Variants in SUGCT observed in about 807,000 individuals in gnomAD.
The protein encoded by SUGCT is succinyl-CoA:glutarate-CoA transferase.
A neutral mutation model predicts 55.0 loss-of-function variants in SUGCT; 41 were observed. That is an observed-to-expected ratio of 0.74 (90% CI 0.58 to 0.97). SUGCT has a LOEUF of 0.97. Ranked by LOEUF, SUGCT falls within the 50% of genes least tolerant of loss-of-function variation. SUGCT has a pLI of 0.00. For synonymous variants in SUGCT, 187 were observed against 200.4 expected (o/e 0.93, Z 0.56); for missense variants, 568 against 547.8 (o/e 1.04, Z -0.37).
intron 9 of SUGCT, among the ~76,000 whole-genome samples, chr7:40,448,972 A>C (rs1183041451): frequency 6.6e-6 from 1 of 151,340 alleles, no homozygotes; most frequent in Non-Finnish European, 1.5e-5. Flanking sequence ...AGAGAGAGAG[A>C]GAGAGAGAGA....
chr7:40,943,950 T>C, the SUGCT span, among the ~76,000 whole-genome samples: 1 of 149,302 alleles, frequency 6.7e-6, no homozygotes, highest in South Asian at 2.2e-4. Flanking sequence ...TGTTGTTTCC[T>C]GACTTTTTAA....
chr7:40,549,937 A>T (rs1204527025), intron 12 of SUGCT, among the ~76,000 whole-genome samples: 1 of 152,166 alleles, frequency 6.6e-6, no homozygotes, highest in Non-Finnish European at 1.5e-5. Context: ...GAATGCAACT[A>T]GGAGAGGATT....
intron 12 of SUGCT, chr7:40,538,741 A>T (rs1794509583): frequency 6.6e-6 from 1 of 152,218 alleles, no homozygotes; most frequent in South Asian, 2.1e-4. Context: ...CAGATTAAGG[A>T]TTGGTGCTTA....
intron 12 of SUGCT, among the ~76,000 whole-genome samples, chr7:40,699,009 T>C (rs140409558): frequency 7.2e-5 from 11 of 152,318 alleles, no homozygotes; most frequent in Admixed American, 2.6e-4. Context: ...CAGTCTTTTA[T>C]GTGTTTGAAA....
At chr7:40,239,226 G>A (rs1200529258) in intron 7 of SUGCT, among the ~76,000 whole-genome samples, 1 of 152,120 alleles carries the variant, frequency 6.6e-6, no homozygotes, top group African/African-American at 2.4e-5. Context: ...GACTACAGGT[G>A]TGTGGCACCA....
the SUGCT span, chr7:40,966,959 T>C: frequency 6.6e-6 from 1 of 152,224 alleles, no homozygotes; most frequent in East Asian, 1.9e-4. Flanking sequence ...TTGTTCACTA[T>C]CCAGAAAGCT....
chr7:40,537,192 C>T (rs1794410524), intron 12 of SUGCT, among the ~76,000 whole-genome samples: 1 of 152,136 alleles, frequency 6.6e-6, no homozygotes, highest in Non-Finnish European at 1.5e-5. Context: ...ATATTGTACA[C>T]CTGTAAGCCT....
intron 13 of SUGCT, among the ~76,000 whole-genome samples, chr7:40,857,879 TTTATG>T (rs1205237462): frequency 3.9e-5 from 6 of 152,152 alleles, no homozygotes; most frequent in East Asian, 1.9e-4. Context: ...AATGGTTAAT[TTTATG>T]TTATGTTAAG....
chr7:40,153,174 A>G (rs752205427), intron 1 of SUGCT: 17 of 318,204 alleles, frequency 5.3e-5, no homozygotes, highest in Non-Finnish European at 9.5e-5. Flanking sequence ...CACACATCTT[A>G]GATTATTGTG....
Position 40,668,452 on chromosome 7 carries a change from C to A in SUGCT, c.1090-80982C>A, listed in dbSNP as rs114078491. On this transcript the variant is annotated intron_variant, in intron 12 of 13. Coordinates refer to ENST00000335693, the MANE Select transcript of SUGCT (RefSeq NM_001193313.2). Reference sequence around the variant, plus strand: ...GGGGATCTTTTCATTGATTCATTCTCTAAAACAGAATTTTCTTTAAGAAAA... The same window carrying A: ...GGGGATCTTTTCATTGATTCATTCTATAAAACAGAATTTTCTTTAAGAAAA... 6.3e-3 allele frequency among the ~76,000 whole-genome samples: 957 copies of A among 152,240 alleles called. 12 individuals carry two copies. Among genetic ancestry groups the A allele is most frequent in the African/African-American group, 0.021 (886 of 41,546 alleles).
intron 12 of SUGCT, among the ~76,000 whole-genome samples, chr7:40,613,614 A>G (rs548949974): frequency 1.4e-5 from 2 of 144,954 alleles, no homozygotes; most frequent in African/African-American, 5.0e-5. Flanking sequence ...CCTGCACCCA[A>G]TTTTTTTTTT....
intron 12 of SUGCT, among the ~76,000 whole-genome samples, chr7:40,671,443 A>G (rs1368996600): frequency 6.6e-6 from 1 of 152,226 alleles, no homozygotes; most frequent in Non-Finnish European, 1.5e-5. Flanking sequence ...AAAGGTAGAA[A>G]ATAAAATGGT....
intron 11 of SUGCT, among the ~76,000 whole-genome samples, chr7:40,460,881 G>A (rs932267388): frequency 3.3e-5 from 5 of 152,094 alleles, no homozygotes; most frequent in African/African-American, 1.2e-4. Context: ...GTAAGGAATC[G>A]ACCTGCAAGG....
At chr7:40,373,966 G>A (rs921602684) in intron 9 of SUGCT, among the ~76,000 whole-genome samples, 1 of 152,068 alleles carries the variant, frequency 6.6e-6, no homozygotes, top group African/African-American at 2.4e-5. Context: ...TATCATGTCT[G>A]GTTAAGTGGA....
At position 40,517,305 on chromosome 7, in the gene SUGCT, C is replaced by T. The variant is rs547671468; in HGVS notation, c.1089+20919C>T. On this transcript the variant is annotated intron_variant, in intron 12 of 13. Transcript: ENST00000335693. ...TTATCTTCCTATCCAATCTGGATGA[C>T]TTTCTTTTCTTGTCTTTTTCTTTTC... 2.7e-5 allele frequency among the ~76,000 whole-genome samples: 4 copies of T among 150,746 alleles called. No homozygotes were observed. In the East Asian group the frequency reaches 5.9e-4, roughly 22 times the overall value.
chr7:40,769,962 AT>A (rs1789007751), intron 13 of SUGCT, among the ~76,000 whole-genome samples: 1 of 152,084 alleles, frequency 6.6e-6, no homozygotes, highest in African/African-American at 2.4e-5. Context: ...TAACTCACTC[AT>A]TTCTTATAAC....
chr7:40,916,070 TACACACACACAC>T, the SUGCT span, among the ~76,000 whole-genome samples: 5 of 144,842 alleles, frequency 3.5e-5, no homozygotes, highest in South Asian at 2.2e-4. Context: ...TCTCTCTACA[TACACACACACAC>T]ACACACACAC....
At chr7:40,718,734 A>T (rs1422811784) in intron 12 of SUGCT, among the ~76,000 whole-genome samples, 1 of 152,154 alleles carries the variant, frequency 6.6e-6, no homozygotes, top group Admixed American at 6.5e-5. Flanking sequence ...TTTTCAGAAA[A>T]AGCACTTTTA....
chr7:40,229,529 A>T (rs1254264056), intron 6 of SUGCT, among the ~76,000 whole-genome samples: 1 of 148,510 alleles, frequency 6.7e-6, no homozygotes, highest in Non-Finnish European at 1.5e-5. Flanking sequence ...AAAAAAAAAA[A>T]AGTCCTGGTG....
Sources: allele counts gnomAD v4.1 joint callset (sites outside exome capture counted in the v4.1 genomes callset), GRCh38; gene constraint gnomAD v4.1.1; transcripts MANE v1.5; gene names NCBI Gene and HGNC (gene_info 2026-07-23, HGNC 2026-07-21).